The following PLXNC1 variants were observed in gnomAD, a reference collection of about 807,000 sequenced individuals.
PLXNC1 encodes the protein plexin-C1.
Under a neutral mutation model 178.2 loss-of-function variants are expected in PLXNC1, and 75 were observed. That is an observed-to-expected ratio of 0.42 (90% CI 0.35 to 0.51). The LOEUF is 0.51. PLXNC1 is among the 20% of genes least tolerant of loss of function. The pLI is 0.02. For synonymous variants in PLXNC1, 790 were observed against 779.9 expected (o/e 1.01, Z -0.22); for missense variants, 1,503 against 1,984.4 (o/e 0.76, Z 4.61).
chr12:94,198,358 ACAAC>A (rs1962996260), intron 4 of PLXNC1, among the ~76,000 whole-genome samples: 1 of 152,156 alleles, frequency 6.6e-6, no homozygotes, highest in South Asian at 2.1e-4. Flanking sequence ...CAGGGAGGGG[ACAAC>A]ACACATAGGC....
intron 23 of PLXNC1, among the ~76,000 whole-genome samples, chr12:94,291,387 C>T (rs929404950): frequency 7.2e-5 from 11 of 152,116 alleles, no homozygotes; most frequent in Admixed American, 3.9e-4. Flanking sequence ...CAATGCTCAG[C>T]GCTTTTTTGT....
intron 5 of PLXNC1, among the ~76,000 whole-genome samples, chr12:94,215,580 A>AGATG (rs1475471381): frequency 2.1e-5 from 3 of 145,886 alleles, no homozygotes; most frequent in Non-Finnish European, 4.7e-5. Context: ...ATAGATAGAT[A>AGATG]GATAGATAGA....
chr12:94,255,005 AC>A, intron 16 of PLXNC1, 117 bp downstream of exon 16: 1 of 970,664 alleles, frequency 1.0e-6, no homozygotes, highest in Non-Finnish European at 1.6e-6. Context: ...ATAGAAGGCA[AC>A]GGAAGGGCAG....
At position 94,242,369 on chromosome 12, in the gene PLXNC1, C is replaced by T. The variant is rs183870395; in HGVS notation, c.2301-1569C>T. Among the ~76,000 whole-genome samples, 12 of 133,964 alleles carry T rather than the reference C, an allele frequency of 9.0e-5. No homozygotes were observed. In the East Asian group the frequency reaches 1.8e-3, roughly 20 times the overall value. The allele number at this position is 133,964 out of a possible 152,430, so 87.9% of individuals were successfully genotyped here. ...TGTCACCCAGGCTGGAGTGCAGTGG[C>T]GCAATCTTGGCTCACTGCAACCTCC... On this transcript the variant is annotated intron_variant, in intron 11 of 30. Coordinates refer to ENST00000258526, the MANE Select transcript of PLXNC1 (RefSeq NM_005761.3).
At chr12:94,297,057 G>T in intron 24 of PLXNC1, 132 bp from the exon 25 acceptor site, 1 of 786,898 alleles carries the variant, frequency 1.3e-6, no homozygotes, top group South Asian at 1.6e-5. Context: ...ATGTAGCTAT[G>T]GAGAGCTCAA....
intron 5 of PLXNC1, among the ~76,000 whole-genome samples, chr12:94,212,546 G>C (rs12367767): frequency 0.36 from 52,527 of 146,708 alleles, 11,047 homozygotes; most frequent in East Asian, 0.57. Flanking sequence ...TCATTGTTCA[G>C]TTCCCACCTG....
Position 94,259,618 on chromosome 12 carries a change from C to T in PLXNC1, c.3135C>T (p.Asp1045=), listed in dbSNP as rs2230758. The change falls in exon 19 of 31, where the codon GAC becomes GAT. Residue 1045 remains aspartate, a synonymous_variant. Coordinates refer to ENST00000258526, the MANE Select transcript of PLXNC1 (RefSeq NM_005761.3). ...TTTTTTCTTTTTATCAGAACAGAGA[C>T]GCCAACGACAAGAATGAAAGTCTCA... is the stretch of plus-strand genomic sequence containing the variant. The part of the protein sequence containing the change: ...HIFTEDMHNR[D]ANDKNESLTA... 16,070 of 1,602,424 alleles carry T rather than the reference C, an allele frequency of 0.01. 1,349 individuals are homozygous for T. In the African/African-American group the frequency reaches 0.18, roughly 18 times the overall value.
intron 2 of PLXNC1, among the ~76,000 whole-genome samples, chr12:94,180,316 A>G (rs1032346676): frequency 2.7e-4 from 41 of 152,322 alleles, no homozygotes; most frequent in African/African-American, 9.9e-4. Context: ...GTTTCATTCA[A>G]GTATGAAAAT....
At chr12:94,223,296 T>A (rs2136023475) in intron 6 of PLXNC1, among the ~76,000 whole-genome samples, 1 of 152,294 alleles carries the variant, frequency 6.6e-6, no homozygotes, top group South Asian at 2.1e-4. Context: ...CACCTCCTAT[T>A]CCTATTAATT....
intron 1 of PLXNC1, among the ~76,000 whole-genome samples, chr12:94,163,752 G>A (rs1458101369): frequency 6.6e-6 from 1 of 152,082 alleles, no homozygotes; most frequent in African/African-American, 2.4e-5. Context: ...CTCTCCTTTT[G>A]GTCATTTGAG....
At chr12:94,213,517 A>T (rs1419415578) in intron 5 of PLXNC1, among the ~76,000 whole-genome samples, 4 of 151,970 alleles carry the variant, frequency 2.6e-5, no homozygotes, top group Non-Finnish European at 5.9e-5. Context: ...TTTTCTTGTA[A>T]ATGTGTTTGA....
intron 3 of PLXNC1, chr12:94,185,840 A>G (rs1165862612): frequency 6.5e-6 from 1 of 153,232 alleles, no homozygotes; most frequent in Non-Finnish European, 1.5e-5. Flanking sequence ...GCCATTGGCC[A>G]CATATGGACT....
At chr12:94,257,552 T>A (rs1278081038) in intron 17 of PLXNC1, among the ~76,000 whole-genome samples, 1 of 152,056 alleles carries the variant, frequency 6.6e-6, no homozygotes, top group African/African-American at 2.4e-5. Flanking sequence ...GGCGGGTGGA[T>A]CACTTGAGGT....
chr12:94,283,987 G>A (rs1406986052), intron 23 of PLXNC1, among the ~76,000 whole-genome samples: 1 of 151,942 alleles, frequency 6.6e-6, no homozygotes, highest in Non-Finnish European at 1.5e-5. Flanking sequence ...GGAGGCTGAG[G>A]CAGGAGAATT....
In PLXNC1 at chr12:94,181,512, C is replaced by A; in HGVS notation, c.1270C>A (p.Pro424Thr). ...EVIYEIKEET[P>T]VFYKLVPDPV... ...TATCTATGAAATTAAAGAAGAGACA[C>A]CTGTTTTCTACAAACTCGTTCCTGA... The change falls in exon 3 of 31, where the codon CCT (proline) becomes ACT (threonine). Residue 424 changes from proline (P) to threonine (T), a missense_variant. Physicochemically the swap from Pro to Thr is conservative, Grantham distance 38 (BLOSUM62 -1). Coordinates refer to ENST00000258526, the MANE Select transcript of PLXNC1 (RefSeq NM_005761.3). 6.3e-7 allele frequency: 1 copy of A among 1,598,296 alleles called. No homozygotes were observed. The highest frequency in any genetic ancestry group is 1.3e-5 in the African/African-American group (1 of 74,584).
At chr12:94,227,483 A>G in intron 9 of PLXNC1, 1 of 342,862 alleles carries the variant, frequency 2.9e-6, no homozygotes. Context: ...TCGAAATAAA[A>G]TTGTAAAGGT....
At chr12:94,214,928 C>G (rs540705494) in intron 5 of PLXNC1, among the ~76,000 whole-genome samples, 1 of 151,696 alleles carries the variant, frequency 6.6e-6, no homozygotes, top group Admixed American at 6.6e-5. Context: ...CAAAGTTTCA[C>G]TCTTGTTGCC....
chr12:94,267,712 C>T (rs538474457), intron 21 of PLXNC1, among the ~76,000 whole-genome samples: 30 of 152,274 alleles, frequency 2.0e-4, no homozygotes, highest in African/African-American at 7.0e-4. Context: ...GCACATGATC[C>T]GTTCTATGCT....
chr12:94,202,674 G>T (rs1186514204), intron 4 of PLXNC1, among the ~76,000 whole-genome samples: 1 of 152,234 alleles, frequency 6.6e-6, no homozygotes, highest in Non-Finnish European at 1.5e-5. Flanking sequence ...GCTCGGGAGG[G>T]CCTGGCCTGT....
Sources: allele counts gnomAD v4.1 joint callset (sites outside exome capture counted in the v4.1 genomes callset), GRCh38; gene constraint gnomAD v4.1.1; transcripts MANE v1.5; gene names NCBI Gene and HGNC (gene_info 2026-07-23, HGNC 2026-07-21).